PCDHGA2: variants seen among roughly 807,000 people sequenced by gnomAD.
PCDHGA2 encodes protocadherin gamma-A2.
Under a neutral mutation model 59.2 loss-of-function variants are expected in PCDHGA2, and 40 were observed. That is an observed-to-expected ratio of 0.68 (90% CI 0.52 to 0.88). The LOEUF (loss-of-function observed/expected upper bound fraction) is 0.88. Ranked by LOEUF, PCDHGA2 falls within the 40% of genes least tolerant of loss-of-function variation. The pLI is 0.00. For missense variants in PCDHGA2, 1,226 were observed against 1,204.0 expected (o/e 1.02, Z -0.27); for synonymous variants, 560 against 526.0 (o/e 1.06, Z -0.89).
rs769717528 is a variant in PCDHGA2, at chr5:141,390,239, C to G, written c.2424+48844C>G. ...TACTTTGCGGTGATTCATCTGGGGCCTTATTTCCACTTTGTAATTCCAGTG... is the reference window on the plus strand; with the variant it reads ...TACTTTGCGGTGATTCATCTGGGGCGTTATTTCCACTTTGTAATTCCAGTG... On this transcript the variant is annotated intron_variant, in intron 1 of 3. Coordinates refer to ENST00000394576, the MANE Select transcript of PCDHGA2 (RefSeq NM_018915.4). 32 of 1,613,904 alleles carry G rather than the reference C, an allele frequency of 2.0e-5. No homozygotes were observed. In the Admixed American group the frequency reaches 5.3e-4, roughly 27 times the overall value.
chr5:141,362,170 C>A, intron 1 of PCDHGA2: 1 of 1,614,036 alleles, frequency 6.2e-7, no homozygotes, highest in Non-Finnish European at 8.5e-7. Flanking sequence ...CAGCGACCGC[C>A]GGGAGCCCTC....
intron 1 of PCDHGA2, chr5:141,352,408 C>A (rs1197749227): frequency 6.2e-7 from 1 of 1,614,058 alleles, no homozygotes; most frequent in Admixed American, 1.7e-5. Flanking sequence ...GTTCCTCCAG[C>A]CTCGACACTG....
At chr5:141,510,334 C>G (rs1463634534) in intron 3 of PCDHGA2, among the ~76,000 whole-genome samples, 1 of 151,448 alleles carries the variant, frequency 6.6e-6, no homozygotes, top group African/African-American at 2.4e-5. Context: ...TCTTCACCCC[C>G]ACCCCACACA....
At chr5:141,382,520 G>A (rs1778262322) in intron 1 of PCDHGA2, among the ~76,000 whole-genome samples, 1 of 152,192 alleles carries the variant, frequency 6.6e-6, no homozygotes, top group South Asian at 2.1e-4. Context: ...TTAATTCAGT[G>A]TCTTAAAATG....
chr5:141,403,135 GCGCCGAGTC>G, intron 1 of PCDHGA2: 4 of 1,614,064 alleles, frequency 2.5e-6, no homozygotes, highest in Non-Finnish European at 3.4e-6. Context: ...AGCTGGCGGA[GCGCCGAGTC>G]CGCATCGTCT....
chr5:141,478,623 G>A, intron 1 of PCDHGA2: 2 of 1,554,358 alleles, frequency 1.3e-6, no homozygotes, highest in Non-Finnish European at 1.7e-6. Flanking sequence ...GAATGGAGCT[G>A]TTTTTTTAGT....
Position 141,485,210 on chromosome 5 carries a change from C to G in PCDHGA2, c.2425-9597C>G. 2 of 1,614,058 alleles carry G rather than the reference C, an allele frequency of 1.2e-6. No individual in the cohort carries two copies. The highest frequency in any genetic ancestry group is 1.7e-6 in the Non-Finnish European group (2 of 1,179,934). On this transcript the variant is annotated intron_variant, in intron 1 of 3. Transcript: ENST00000394576. The surrounding 1 kb of genome is among the most constrained non-coding windows in gnomAD (Gnocchi z 5.7). ...GGTGAGAAGCTGGACAGAAATCTGG[C>G]GGTGGGCTACCCTTTTGTTCCTCTT...
At chr5:141,382,762 C>T in intron 1 of PCDHGA2, 1 of 690,986 alleles carries the variant, frequency 1.4e-6, no homozygotes, top group Non-Finnish European at 2.4e-6. Context: ...AAGCCCTCTT[C>T]CAGGCTGCAC....
chr5:141,486,985 T>C lies in PCDHGA2; in HGVS notation c.2425-7822T>C. On this transcript the variant is annotated intron_variant, in intron 1 of 3. Coordinates refer to ENST00000394576, the MANE Select transcript of PCDHGA2 (RefSeq NM_018915.4). The surrounding 1 kb of genome is among the most constrained non-coding windows in gnomAD (Gnocchi z 5.0). ...TGGACTTGGATTCAGGTTACAATGC[T>C]TGGGTTTCCTATCAGCTCCTGGAGG... 1 of 1,614,208 alleles carries C rather than the reference T, an allele frequency of 6.2e-7. No individual in the cohort carries two copies. The highest frequency in any genetic ancestry group is 8.5e-7 in the Non-Finnish European group (1 of 1,180,040).
At chr5:141,364,857 T>C (rs1243069537) in intron 1 of PCDHGA2, 1 of 1,614,008 alleles carries the variant, frequency 6.2e-7, no homozygotes, top group South Asian at 1.1e-5. Context: ...AGCTCCAATC[T>C]GCACTTCTCT....
chr5:141,421,389 G>T (rs200646513), intron 1 of PCDHGA2: 1 of 1,613,934 alleles, frequency 6.2e-7, no homozygotes, highest in African/African-American at 1.3e-5. Context: ...AGGACCTGGG[G>T]CTGGAGCCCC....
intron 1 of PCDHGA2, among the ~76,000 whole-genome samples, chr5:141,483,207 A>C (rs1225621725): frequency 6.6e-6 from 1 of 152,224 alleles, no homozygotes; most frequent in African/African-American, 2.4e-5. Flanking sequence ...TATTCCATAT[A>C]GATGACAGTC....
At position 141,477,529 on chromosome 5, in the gene PCDHGA2, C is replaced by G; in HGVS notation, c.2425-17278C>G. ...ACGTTTACATTGAAGAAAACAACCT[C>G]CCCGGGGCTCCAATACTAAACCTAA... On this transcript the variant is annotated intron_variant, in intron 1 of 3. Transcript: ENST00000394576. The surrounding 1 kb of genome is among the most constrained non-coding windows in gnomAD (Gnocchi z 4.9). 6.2e-7 allele frequency: 1 copy of G among 1,614,172 alleles called. No homozygotes were observed. The highest frequency in any genetic ancestry group is 8.5e-7 in the Non-Finnish European group (1 of 1,180,032).
chr5:141,419,115 A>G (rs1159582360), intron 1 of PCDHGA2: 1 of 1,613,872 alleles, frequency 6.2e-7, no homozygotes, highest in Non-Finnish European at 8.5e-7. Flanking sequence ...CCAGAGTACA[A>G]CGTCACCATC....
chr5:141,374,568 T>C (rs778991888), intron 1 of PCDHGA2: 1 of 1,613,706 alleles, frequency 6.2e-7, no homozygotes, highest in South Asian at 1.1e-5. Flanking sequence ...GACCCTGATG[T>C]GGGAATGAAC....
At chr5:141,500,499 G>A (rs531501031) in intron 2 of PCDHGA2, among the ~76,000 whole-genome samples, 11 of 151,970 alleles carry the variant, frequency 7.2e-5, no homozygotes, top group African/African-American at 2.7e-4. Context: ...GTGAGCCACC[G>A]CGCCTGGCCG....
intron 1 of PCDHGA2, chr5:141,389,907 G>T (rs779604388): frequency 6.2e-7 from 1 of 1,614,082 alleles, no homozygotes; most frequent in Non-Finnish European, 8.5e-7. Context: ...GGATATCACT[G>T]ACCGCCCCGA....
chr5:141,378,321 G>C (rs1295221856), intron 1 of PCDHGA2: 1 of 152,218 alleles, frequency 6.6e-6, no homozygotes, highest in African/African-American at 2.4e-5. Context: ...TCAGGAGTTC[G>C]AGACCAGCCT....
At chr5:141,380,632 T>C (rs546554559) in intron 1 of PCDHGA2, among the ~76,000 whole-genome samples, 5 of 152,324 alleles carry the variant, frequency 3.3e-5, no homozygotes, top group Non-Finnish European at 7.3e-5. Flanking sequence ...ACTTAGAAAA[T>C]GTGAATGCTA....
Sources: gnomAD v4.1 joint callset for allele counts (sites outside exome capture counted in the v4.1 genomes callset) on GRCh38, gnomAD v4.1.1 for gene constraint, Gnocchi (gnomAD v3.1) non-coding constraint, MANE v1.5 for transcripts, NCBI Gene and HGNC (gene_info 2026-07-23, HGNC 2026-07-21) for gene names.